CSPP1: variants seen among roughly 807,000 people sequenced by gnomAD.
The protein encoded by CSPP1 is centrosome and spindle pole-associated protein 1.
CSPP1 carries 126 observed loss-of-function variants against 164.4 expected under a neutral mutation model. The ratio of observed to expected loss-of-function variants is 0.77; its 90% CI spans 0.66 to 0.89. CSPP1 has a LOEUF of 0.89. Among genes scored for constraint, CSPP1 ranks in the 40% least tolerant of loss-of-function variants. The probability of loss-of-function intolerance (pLI) is 0.00; values close to 1 mark genes in which losing one functional copy is unlikely to be tolerated. For synonymous variants in CSPP1, 472 were observed against 476.7 expected, an observed-to-expected ratio of 0.99 and a Z score of 0.13; for missense variants, 1,395 against 1,449.8, an observed-to-expected ratio of 0.96 and a Z score of 0.61.
At chr8:67,083,548 A>AAAAAAAAAAAAAAAAAAT (rs1332248754) in intron 3 of CSPP1, 3 of 91,484 alleles carry the variant, frequency 3.3e-5, no homozygotes, top group Non-Finnish European at 6.1e-5. Context: ...AAAAAAAAAA[A>AAAAAAAAAAAAAAAAAAT]ATATATATAT....
intron 28 of CSPP1, among the ~76,000 whole-genome samples, chr8:67,188,008 AAAAG>A (rs1835145781): frequency 6.6e-6 from 1 of 152,266 alleles, no homozygotes; most frequent in Non-Finnish European, 1.5e-5. Flanking sequence ...CACAATTCAT[AAAAG>A]AAATAATTGA....
chr8:67,118,184 T>A, intron 13 of CSPP1, 64 bp from the exon 14 acceptor site: 2 of 1,560,080 alleles, frequency 1.3e-6, no homozygotes, highest in Non-Finnish European at 1.8e-6. Flanking sequence ...AAGAGTAACA[T>A]CTTGATTTTT....
intron 19 of CSPP1, among the ~76,000 whole-genome samples, chr8:67,155,920 T>C (rs1378097410): frequency 6.6e-6 from 1 of 152,068 alleles, no homozygotes; most frequent in Non-Finnish European, 1.5e-5. Context: ...ACAATATAGA[T>C]ATTAAATGTG....
intron 28 of CSPP1, among the ~76,000 whole-genome samples, chr8:67,182,612 C>T (rs1228629538): frequency 6.6e-6 from 1 of 152,206 alleles, no homozygotes; most frequent in African/African-American, 2.4e-5. Context: ...CAGCAGTGCA[C>T]AAAAGTTCCG....
At chr8:67,064,656 G>A in intron 1 of CSPP1, 118 bp downstream of exon 1, 2 of 819,944 alleles carry the variant, frequency 2.4e-6, no homozygotes, top group South Asian at 4.6e-5. Context: ...CAACTAGGCC[G>A]GCGACGTGCC....
chr8:67,074,118 CTT>C (rs1343224520), intron 1 of CSPP1, 123 bp from the exon 2 acceptor site: 2 of 587,180 alleles, frequency 3.4e-6, no homozygotes, highest in East Asian at 5.7e-5. Context: ...TATGATCAAT[CTT>C]AAGTTTGAAT....
chr8:67,152,425 G>T (rs1825889576), intron 18 of CSPP1, among the ~76,000 whole-genome samples: 1 of 152,006 alleles, frequency 6.6e-6, no homozygotes, highest in Non-Finnish European at 1.5e-5. Flanking sequence ...ATGAGCTATG[G>T]CTTATGAAGT....
intron 4 of CSPP1, among the ~76,000 whole-genome samples, chr8:67,087,272 T>G (rs1810604914): frequency 6.6e-6 from 1 of 152,336 alleles, no homozygotes; most frequent in East Asian, 1.9e-4. Context: ...CCAAAATCTA[T>G]AGATTGCATT....
At chr8:67,183,615 T>C (rs1833587988) in intron 28 of CSPP1, among the ~76,000 whole-genome samples, 1 of 152,056 alleles carries the variant, frequency 6.6e-6, no homozygotes, top group East Asian at 1.9e-4. Context: ...AAAATGAAAA[T>C]ACAACTTCTC....
At chr8:67,170,840 G>A (rs1368964563) in intron 24 of CSPP1, among the ~76,000 whole-genome samples, 1 of 152,000 alleles carries the variant, frequency 6.6e-6, no homozygotes, top group African/African-American at 2.4e-5. Flanking sequence ...AGGCTGGAGT[G>A]CAGTTGCACT....
intron 9 of CSPP1, among the ~76,000 whole-genome samples, chr8:67,107,151 G>A (rs778882900): frequency 6.6e-6 from 1 of 151,902 alleles, no homozygotes; most frequent in Non-Finnish European, 1.5e-5. Flanking sequence ...GGGTTCAAGC[G>A]ATTCTTGTGC....
At chr8:67,098,485 A>G (rs1295933455) in intron 7 of CSPP1, among the ~76,000 whole-genome samples, 1 of 151,838 alleles carries the variant, frequency 6.6e-6, no homozygotes, top group African/African-American at 2.4e-5. Context: ...TCAGAAAATG[A>G]TGTTGCCTTC....
At chr8:67,124,533 C>T (rs1014641658) in intron 15 of CSPP1, among the ~76,000 whole-genome samples, 4 of 152,130 alleles carry the variant, frequency 2.6e-5, no homozygotes, top group African/African-American at 9.7e-5. Flanking sequence ...TAGGGTCTTA[C>T]TCTGTTGCAC....
At chr8:67,168,952 A>C (rs992401676) in intron 24 of CSPP1, among the ~76,000 whole-genome samples, 2 of 152,166 alleles carry the variant, frequency 1.3e-5, no homozygotes, top group Admixed American at 1.3e-4. Context: ...CTTTCACCTT[A>C]AGTATTAGAG....
intron 30 of CSPP1, 148 bp downstream of exon 30, chr8:67,193,750 G>A: frequency 1.7e-6 from 1 of 577,376 alleles, no homozygotes; most frequent in Non-Finnish European, 2.9e-6. Flanking sequence ...TAACTATTGA[G>A]CAAAACCAGA....
At chr8:67,118,409 C>G in intron 14 of CSPP1, 40 bp downstream of exon 14, 2 of 1,603,944 alleles carry the variant, frequency 1.2e-6, no homozygotes, top group Non-Finnish European at 1.7e-6. Context: ...CCCCGCTTGG[C>G]TCAATAAGGA....
At chr8:67,095,771 A>G in intron 7 of CSPP1, 39 bp downstream of exon 7, 2 of 1,203,830 alleles carry the variant, frequency 1.7e-6, no homozygotes, top group Non-Finnish European at 1.2e-6. Context: ...TGCTTAATAT[A>G]GCAAATTAAT....
At chr8:67,140,354 G>A (rs1823256300) in intron 17 of CSPP1, among the ~76,000 whole-genome samples, 1 of 152,046 alleles carries the variant, frequency 6.6e-6, no homozygotes, top group African/African-American at 2.4e-5. Context: ...CAAAGTGCTG[G>A]GATTACAGGT....
chr8:67,164,537 C>T (rs760858720), intron 24 of CSPP1, 29 bp downstream of exon 24: 6 of 1,042,984 alleles, frequency 5.8e-6, no homozygotes, highest in South Asian at 1.3e-5. Context: ...TTTTTGTGTT[C>T]GCTTGAGTTC....
Sources: allele counts gnomAD v4.1 joint callset (sites outside exome capture counted in the v4.1 genomes callset), GRCh38; gene constraint gnomAD v4.1.1; transcripts MANE v1.5; gene names NCBI Gene and HGNC (gene_info 2026-07-23, HGNC 2026-07-21).